The following ZFYVE28 variants were observed in gnomAD, a reference collection of about 807,000 sequenced individuals.
The protein encoded by ZFYVE28 is zinc finger FYVE-type containing 28.
Under a neutral mutation model 82.1 loss-of-function variants are expected in ZFYVE28, and 40 were observed. The observed-to-expected ratio is 0.49, with a 90% confidence interval of 0.38 to 0.63. ZFYVE28 has a LOEUF of 0.63. Among genes scored for constraint, ZFYVE28 ranks in the 30% least tolerant of loss-of-function variants. ZFYVE28 has a pLI of 0.00. For missense variants in ZFYVE28, 1,321 were observed against 1,242.1 expected (o/e 1.06, Z -0.96); for synonymous variants, 612 against 546.1 (o/e 1.12, Z -1.68).
rs145724824 is a variant in ZFYVE28 at position 2,292,483 on chromosome 4, G to T, written c.2051+11806C>A. On this transcript the variant is annotated intron_variant, in intron 8 of 12. Transcript: ENST00000290974. ...CAAGGGAAGCCGATTGCAGGGGCAG[G>T]GCTGTGGCGAGGGCCAGATCAGGTC... 6.1e-3 allele frequency among the ~76,000 whole-genome samples: 922 copies of T among 152,310 alleles called. 11 individuals carry two copies. The highest frequency in any genetic ancestry group is 0.021 in the African/African-American group (860 of 41,560).
intron 1 of ZFYVE28, among the ~76,000 whole-genome samples, chr4:2,403,351 C>G (rs1184566096): frequency 1.3e-5 from 2 of 152,262 alleles, no homozygotes; most frequent in East Asian, 3.9e-4. Context: ...GTGGAACCTT[C>G]CATTGAGAGA....
At chr4:2,390,510 A>C (rs1578354376) in intron 1 of ZFYVE28, among the ~76,000 whole-genome samples, 1 of 152,158 alleles carries the variant, frequency 6.6e-6, no homozygotes, top group East Asian at 1.9e-4. Context: ...TCAGGAATTC[A>C]ATTTTCCTGA....
At chr4:2,358,723 AC>A (rs889657536) in intron 1 of ZFYVE28, among the ~76,000 whole-genome samples, 1 of 151,770 alleles carries the variant, frequency 6.6e-6, no homozygotes, top group African/African-American at 2.4e-5. Context: ...CTGTGACCAC[AC>A]CCCCCAAATT....
chr4:2,271,876 A>T (rs1461603701), intron 10 of ZFYVE28, 97 bp from the exon 11 acceptor site: 2 of 1,158,590 alleles, frequency 1.7e-6, no homozygotes. Flanking sequence ...GGCTTCCAGC[A>T]GTCGGTCAGC....
intron 6 of ZFYVE28, among the ~76,000 whole-genome samples, chr4:2,325,549 C>T (rs1719729657): frequency 6.6e-6 from 1 of 151,752 alleles, no homozygotes; most frequent in Non-Finnish European, 1.5e-5. Flanking sequence ...TATTCAGTTC[C>T]CTTCTCACAT....
intron 8 of ZFYVE28, among the ~76,000 whole-genome samples, chr4:2,287,963 C>G (rs898778626): frequency 6.6e-6 from 1 of 152,190 alleles, no homozygotes; most frequent in Non-Finnish European, 1.5e-5. Context: ...GCCTTGATGT[C>G]TCTTGGGATT....
chr4:2,367,672 G>C (rs1727030462), intron 1 of ZFYVE28, among the ~76,000 whole-genome samples: 1 of 152,254 alleles, frequency 6.6e-6, no homozygotes, highest in Admixed American at 6.5e-5. Flanking sequence ...ACAGTGGGCA[G>C]TGGGGCCACA....
intron 1 of ZFYVE28, among the ~76,000 whole-genome samples, chr4:2,357,537 G>A (rs1240204799): frequency 2.6e-5 from 4 of 152,174 alleles, no homozygotes; most frequent in African/African-American, 7.2e-5. Flanking sequence ...GCTCCCTTAT[G>A]GCCCCAAACC....
chr4:2,281,657 G>A (rs1296764371), intron 8 of ZFYVE28, among the ~76,000 whole-genome samples: 2 of 152,198 alleles, frequency 1.3e-5, no homozygotes, highest in Non-Finnish European at 2.9e-5. Context: ...CCCTCTCAAC[G>A]CTGTTGCAGT....
At chr4:2,274,836 C>T (rs1736255491) in intron 8 of ZFYVE28, among the ~76,000 whole-genome samples, 1 of 140,458 alleles carries the variant, frequency 7.1e-6, no homozygotes. Context: ...AGACGCGGCC[C>T]CAACCCAAGG....
chr4:2,396,954 G>A (rs951308967), intron 1 of ZFYVE28, among the ~76,000 whole-genome samples: 1 of 152,200 alleles, frequency 6.6e-6, no homozygotes, highest in Non-Finnish European at 1.5e-5. Context: ...GATCACTCTG[G>A]CTGCTGTGCC....
At chr4:2,377,333 T>C (rs970819390) in intron 1 of ZFYVE28, among the ~76,000 whole-genome samples, 1 of 152,202 alleles carries the variant, frequency 6.6e-6, no homozygotes, top group African/African-American at 2.4e-5. Flanking sequence ...AGGGCTTTAC[T>C]TTTATCTCTA....
chr4:2,395,837 A>G (rs1730383787), intron 1 of ZFYVE28, among the ~76,000 whole-genome samples: 1 of 151,948 alleles, frequency 6.6e-6, no homozygotes, highest in South Asian at 2.1e-4. Flanking sequence ...GGGACTCCAG[A>G]TTAGGGCTGG....
intron 1 of ZFYVE28, among the ~76,000 whole-genome samples, chr4:2,398,238 G>A (rs552656958): frequency 1.7e-4 from 26 of 152,322 alleles, no homozygotes; most frequent in African/African-American, 6.3e-4. Flanking sequence ...CAGGGTGCAG[G>A]GCACCGACAC....
Position 2,337,556 on chromosome 4 carries a change from C to CA in ZFYVE28, c.522-61dup, listed in dbSNP as rs1027246166. On this transcript the variant is annotated intron_variant, in intron 4 of 12. Coordinates refer to ENST00000290974, the MANE Select transcript of ZFYVE28 (RefSeq NM_020972.3). Reference sequence around the variant, plus strand: ...GGGCTGTGGCGGGGCCCCTCCAAAACAGAGTGGGGGGCATCTTCAATTAAA... The same window carrying CA: ...GGGCTGTGGCGGGGCCCCTCCAAAACAAGAGTGGGGGGCATCTTCAATTAAA... 13 of 1,375,446 alleles carry CA rather than the reference C, an allele frequency of 9.5e-6. No homozygotes were observed. In the African/African-American group the frequency reaches 1.6e-4, roughly 17 times the overall value. The allele number at this position is 1,375,446 out of a possible 1,614,324, so 85.2% of individuals were successfully genotyped here.
At chr4:2,385,050 C>G (rs960769025) in intron 1 of ZFYVE28, among the ~76,000 whole-genome samples, 4 of 152,220 alleles carry the variant, frequency 2.6e-5, no homozygotes, top group African/African-American at 9.7e-5. Context: ...TGAAGCCATG[C>G]ATAAGCAAAC....
intron 2 of ZFYVE28, among the ~76,000 whole-genome samples, chr4:2,351,443 G>A (rs1724429354): frequency 6.6e-6 from 1 of 152,202 alleles, no homozygotes; most frequent in African/African-American, 2.4e-5. Context: ...GCCAGGCACG[G>A]TGACTCATGC....
rs1012228697 is a variant in ZFYVE28, at chr4:2,304,341, G to A, written c.1999C>T (p.His667Tyr). 5.2e-5 allele frequency: 84 copies of A among 1,607,110 alleles called. No homozygotes were observed. The highest frequency in any genetic ancestry group is 6.7e-5 in the Non-Finnish European group (79 of 1,179,572). Residue 667 changes from histidine (H) to tyrosine (Y), a missense_variant, in exon 8 of 13, where the codon CAT becomes TAT. Coordinates refer to ENST00000290974, the MANE Select transcript of ZFYVE28 (RefSeq NM_020972.3). ...GQQEPEARELHAGSPSAHEAP... is the reference protein window; with the variant it reads ...GQQEPEARELYAGSPSAHEAP... ...TCGTGAGCCGAGGGGCTCCCAGCATGCAGCTCTCTGGCCTCTGGCTCCTGC... is the reference window on the plus strand; with the variant it reads ...TCGTGAGCCGAGGGGCTCCCAGCATACAGCTCTCTGGCCTCTGGCTCCTGC...
chr4:2,390,669 A>C (rs1729727998), intron 1 of ZFYVE28, among the ~76,000 whole-genome samples: 1 of 152,232 alleles, frequency 6.6e-6, no homozygotes, highest in African/African-American at 2.4e-5. Flanking sequence ...AAGCCAAAAT[A>C]TCAACACAGT....
Sources: allele counts gnomAD v4.1 joint callset (sites outside exome capture counted in the v4.1 genomes callset), GRCh38; gene constraint gnomAD v4.1.1; transcripts MANE v1.5; gene names NCBI Gene and HGNC (gene_info 2026-07-23, HGNC 2026-07-21).